The following SLC6A14 variants were observed in gnomAD, a reference collection of about 807,000 sequenced individuals.
SLC6A14 encodes the protein sodium- and chloride-dependent neutral and basic amino acid transporter B(0+).
A neutral mutation model predicts 51.4 loss-of-function variants in SLC6A14; 21 were observed. The observed-to-expected ratio is 0.41, with a 90% CI of 0.29 to 0.59. The LOEUF (loss-of-function observed/expected upper bound fraction) is 0.59. Among genes scored for constraint, SLC6A14 ranks in the 20% least tolerant of loss-of-function variants. SLC6A14 has a pLI of 0.31. For synonymous variants in SLC6A14, 177 were observed against 160.7 expected, an observed-to-expected ratio of 1.10 and a Z score of -0.77; for missense variants, 371 against 472.8, an observed-to-expected ratio of 0.78 and a Z score of 2.00.
At position 116,458,749 on chromosome X, in the gene SLC6A14, T is replaced by C. The variant is rs1028605262; in HGVS notation, c.1783-60T>C. 3.8e-5 allele frequency: 39 copies of C among 1,018,228 alleles called. No individual in the cohort carries two copies. In the Admixed American group the frequency reaches 1.2e-3, roughly 30 times the overall value. 83.9% of individuals were successfully genotyped at this position (1,018,228 alleles called of 1,213,427 possible). On this transcript the variant is annotated intron_variant, in intron 13 of 13. Coordinates refer to ENST00000598581, the MANE Select transcript of SLC6A14 (RefSeq NM_007231.5). ...AAGGAAAGTACAGTTCAATATTTGC[T>C]TGTTTACAGATTGTAGCACTTAAAT...
chrX:116,438,016 C>A, intron 2 of SLC6A14, 61 bp downstream of exon 2: 3 of 849,375 alleles, frequency 3.5e-6, no homozygotes, highest in Non-Finnish European at 4.8e-6. Flanking sequence ...AAGTGTGGTT[C>A]TGTATGGCTT....
intron 7 of SLC6A14, among the ~76,000 whole-genome samples, chrX:116,449,290 A>G (rs373647533): frequency 8.9e-6 from 1 of 111,739 alleles, no homozygotes; most frequent in Non-Finnish European, 1.9e-5. Context: ...GATTAAAACT[A>G]TGTTTGGAAT....
chrX:116,457,473 T>A, intron 12 of SLC6A14, 136 bp from the exon 13 acceptor site: 1 of 478,598 alleles, frequency 2.1e-6, no homozygotes, highest in Non-Finnish European at 3.2e-6. Flanking sequence ...GTTACCTGAT[T>A]ATTTCAATTA....
chrX:116,442,294 C>G (rs1295567558), intron 3 of SLC6A14, among the ~76,000 whole-genome samples: 2 of 112,094 alleles, frequency 1.8e-5, no homozygotes, highest in Non-Finnish European at 3.8e-5. Flanking sequence ...GAGACAGAGT[C>G]TCACTCTGAT....
chrX:116,445,963 T>A (rs1300362655), intron 6 of SLC6A14, among the ~76,000 whole-genome samples: 1 of 110,257 alleles, frequency 9.1e-6, no homozygotes, highest in African/African-American at 3.3e-5. Flanking sequence ...ATGTTTTAGT[T>A]GCACATTTTT....
intron 6 of SLC6A14, 108 bp downstream of exon 6, chrX:116,445,158 C>A: frequency 1.3e-6 from 1 of 767,376 alleles, no homozygotes; most frequent in Non-Finnish European, 1.8e-6. Context: ...TGGGAGCATT[C>A]AAATGTGTGA....
rs201096223 is a variant in SLC6A14 at position 116,453,473 on chromosome X, CAT to C, written c.1285+332_1285+333del. 4.0e-3 allele frequency among the ~76,000 whole-genome samples: 446 copies of C among 110,612 alleles called. 5 individuals carry two copies. The highest frequency in any genetic ancestry group is 0.014 in the African/African-American group (426 of 30,654). On this transcript the variant is annotated intron_variant, in intron 9 of 13. Transcript: ENST00000598581. Reference sequence around the variant, plus strand: ...CATAGATTGTGTATGTTATTCTATCCATGTTTATATACATTTTATATGTCTGT... The same window carrying C: ...CATAGATTGTGTATGTTATTCTATCCGTTTATATACATTTTATATGTCTGT...
chrX:116,451,318 G>A (rs1247849287), intron 7 of SLC6A14, 124 bp from the exon 8 acceptor site: 1 of 483,921 alleles, frequency 2.1e-6, no homozygotes, highest in African/African-American at 2.4e-5. Context: ...CTTAAGCTGA[G>A]TAGTGGGCAT....
In SLC6A14 at chrX:116,437,792, A is replaced by T; in HGVS notation, c.51A>T (p.Lys17Asn). Reference protein sequence around the residue: ...PSFFKCREKEKVSASSENFHV... With the variant: ...PSFFKCREKENVSASSENFHV... ...TGTTGATATTTTTTCTTCCCCAGAA[A>T]GTGTCGGCTTCATCAGAGAATTTCC... The change falls in exon 2 of 14, where the codon AAA becomes AAT. Residue 17 changes from lysine (K) to asparagine (N), a missense_variant and splice_region_variant. By Grantham distance (94) the Lys-to-Asn change is moderately conservative. Around this residue, in one of 2 missense-constraint regions of SLC6A14, gnomAD observed 277 missense variants for 391.8 expected, o/e 0.71. Transcript: ENST00000598581. 8.3e-7 allele frequency: 1 copy of T among 1,200,649 alleles called. No homozygotes were observed. The highest frequency in any genetic ancestry group is 1.1e-6 in the Non-Finnish European group (1 of 890,336).
chrX:116,458,715 A>G lies in SLC6A14; in HGVS notation c.1783-94A>G, dbSNP rs1449854851. The G allele has an allele frequency of 3.7e-6, 3 of 816,779 alleles. No individual in the cohort carries two copies. In the African/African-American group the frequency reaches 6.4e-5, roughly 17 times the overall value. The allele number at this position is 816,779 out of a possible 1,213,427, so 67.3% of individuals were successfully genotyped here. On this transcript the variant is annotated intron_variant, in intron 13 of 13. Transcript: ENST00000598581. ...GCTTATTTTTTGTTAGTAGAGAAAA[A>G]ATAATTTAAAGGAAAGTACAGTTCA...
intron 10 of SLC6A14, among the ~76,000 whole-genome samples, 197 bp downstream of exon 10, chrX:116,454,639 T>A (rs782684877): frequency 9.0e-6 from 1 of 111,157 alleles, no homozygotes; most frequent in South Asian, 3.7e-4. Context: ...GGAGGCCGAA[T>A]AATGGACAGT....
rs1258536037 is a variant in SLC6A14, at chrX:116,458,778, A to G, written c.1783-31A>G. 3.5e-6 allele frequency: 4 copies of G among 1,143,548 alleles called. No individual in the cohort carries two copies. In the African/African-American group the frequency reaches 5.5e-5, roughly 16 times the overall value. The allele number at this position is 1,143,548 out of a possible 1,213,427, so 94.2% of individuals were successfully genotyped here. On this transcript the variant is annotated intron_variant, in intron 13 of 13. Transcript: ENST00000598581. ...TTACAGATTGTAGCACTTAAATTCT[A>G]AGACAATGATTTTTTGTTCTTGCAT...
At chrX:116,455,812 C>T (rs146269960) in intron 12 of SLC6A14, among the ~76,000 whole-genome samples, 1,566 of 111,345 alleles carry the variant, frequency 0.014, 15 homozygotes, top group Non-Finnish European at 0.024. Flanking sequence ...TATTCCTAAC[C>T]TCTCTGCCAG....
chrX:116,457,714 A>C lies in SLC6A14; in HGVS notation c.1720A>C (p.Ile574Leu), dbSNP rs147488043. The change falls in exon 13 of 14, where the codon ATT becomes CTT. Residue 574 changes from isoleucine (I) to leucine (L), a missense_variant. Ile to Leu is a conservative substitution (Grantham distance 5). Around this residue, in one of 2 missense-constraint regions of SLC6A14, gnomAD observed 94 missense variants for 81.0 expected, o/e 1.16. Coordinates refer to ENST00000598581, the MANE Select transcript of SLC6A14 (RefSeq NM_007231.5). ...ALGWCMIVFC[I>L]IWIPIMAIIK... ...AGGCTGGTGTATGATTGTTTTCTGC[A>C]TTATTTGGATTCCAATTATGGCTAT... 2.2e-5 allele frequency: 26 copies of C among 1,199,550 alleles called. No homozygotes were observed. The African/African-American group carries it at 4.6e-4, about 21-fold the overall frequency.
In SLC6A14 at chrX:116,441,036, A is replaced by C. The variant is rs782439949; in HGVS notation, c.285A>C (p.Ser95=). Residue 95 remains serine, a synonymous_variant, in exon 3 of 14, where the codon TCA becomes TCC. Coordinates refer to ENST00000598581, the MANE Select transcript of SLC6A14 (RefSeq NM_007231.5). ...AGLPLFFLEC[S]LGQFASLGPV... is the part of the protein sequence containing the mutation. ...TACCTTTGTTCTTTCTGGAGTGTTC[A>C]CTGGGACAATTTGCTAGCTTAGGTC... 39 of 1,208,091 alleles carry C rather than the reference A, an allele frequency of 3.2e-5. No individual in the cohort carries two copies. The highest frequency in any genetic ancestry group is 4.3e-5 in the Non-Finnish European group (38 of 893,774).
At chrX:116,442,347 C>T (rs1427915513) in intron 3 of SLC6A14, among the ~76,000 whole-genome samples, 1 of 111,750 alleles carries the variant, frequency 8.9e-6, no homozygotes, top group African/African-American at 3.3e-5. Context: ...TCACAGCAAC[C>T]TCCGCCTCCC....
At chrX:116,439,414 C>T (rs1046580441) in intron 2 of SLC6A14, among the ~76,000 whole-genome samples, 65 of 110,840 alleles carry the variant, frequency 5.9e-4, no homozygotes, top group African/African-American at 1.8e-3. Flanking sequence ...TTGTTAAATG[C>T]GAATTAGGTT....
chrX:116,447,703 C>A (rs782096711), intron 7 of SLC6A14, among the ~76,000 whole-genome samples: 1 of 109,506 alleles, frequency 9.1e-6, no homozygotes, highest in Non-Finnish European at 1.9e-5. Context: ...TCAAGCAATT[C>A]TCCTGATTCA....
In SLC6A14 at chrX:116,446,746, A is replaced by G. The variant is rs148880631; in HGVS notation, c.795A>G (p.Val265=). 6.2e-4 allele frequency: 748 copies of G among 1,198,742 alleles called. No individual in the cohort carries two copies. The highest frequency in any genetic ancestry group is 7.4e-4 in the Non-Finnish European group (660 of 885,987). Reference sequence around the variant, plus strand: ...TTGGTTACTTTTCTTGGTAGGTGGTATATTTTACAGCTCTTTTCCCCTATG... The same window carrying G: ...TTGGTTACTTTTCTTGGTAGGTGGTGTATTTTACAGCTCTTTTCCCCTATG... ...FKGIKSSGKV[V]YFTALFPYVV... Residue 265 remains valine (V), a synonymous_variant, in exon 7 of 14, where the codon GTA becomes GTG. Coordinates refer to ENST00000598581, the MANE Select transcript of SLC6A14 (RefSeq NM_007231.5).
Sources: allele counts gnomAD v4.1 joint callset (sites outside exome capture counted in the v4.1 genomes callset), GRCh38; gene constraint gnomAD v4.1.1; regional missense constraint gnomAD v4.1.1; transcripts MANE v1.5; gene names NCBI Gene and HGNC (gene_info 2026-07-23, HGNC 2026-07-21).